NAV1: variants seen among roughly 807,000 people sequenced by gnomAD.
NAV1 encodes the protein pore membrane and/or filament interacting like protein 3.
A neutral mutation model predicts 175.2 loss-of-function variants in NAV1; 18 were observed. The ratio of observed to expected loss-of-function variants is 0.10; its 90% CI spans 0.07 to 0.15. NAV1 has a LOEUF of 0.15. Among genes scored for constraint, NAV1 ranks in the 10% least tolerant of loss-of-function variants. The pLI, the probability that NAV1 is intolerant of heterozygous loss-of-function variation, is 1.00. For synonymous variants in NAV1, 897 were observed against 978.7 expected (o/e 0.92, Z 1.56); for missense variants, 1,731 against 2,436.6 (o/e 0.71, Z 6.10).
chr1:201,787,690 G>T lies in NAV1; in HGVS notation c.2996-778G>T. ...AGATTAGACATCCACCTGCCTGTAT[G>T]GAGGCAGAAGAATAGACAAGGGAGC... is the stretch of plus-strand genomic sequence containing the variant. On this transcript the variant is annotated intron_variant, in intron 9 of 29. Transcript: ENST00000367296. This position sits in a 1 kb window ranked among gnomAD's most constrained non-coding sequence, Gnocchi z 4.3. The T allele has an allele frequency of 2.2e-6, 1 of 456,264 alleles. No homozygotes were observed. Among genetic ancestry groups the T allele is most frequent in the South Asian group, 1.5e-5 (1 of 64,566 alleles). 28.3% of individuals were successfully genotyped at this position (456,264 alleles called of 1,614,324 possible). A position where few individuals can be genotyped will look rare whatever the true frequency, so the allele number is the denominator to read the frequency against.
intron 3 of NAV1, among the ~76,000 whole-genome samples, chr1:201,775,521 G>C (rs1675881066): frequency 1.3e-5 from 2 of 152,164 alleles, no homozygotes; most frequent in African/African-American, 4.8e-5. Flanking sequence ...GAGTGTCCCA[G>C]TCTTCCATAT....
At chr1:201,792,370 C>G (rs1006313453) in intron 13 of NAV1, 1 of 152,262 alleles carries the variant, frequency 6.6e-6, no homozygotes, top group African/African-American at 2.4e-5. Context: ...TTACCCCTCT[C>G]AAATGCTAGC....
intron 1 of NAV1, among the ~76,000 whole-genome samples, chr1:201,657,140 T>C (rs1669436970): frequency 6.6e-6 from 1 of 152,238 alleles, no homozygotes; most frequent in South Asian, 2.1e-4. Flanking sequence ...ATCAGTAATC[T>C]AATGGTTATC....
At chr1:201,666,352 C>CA (rs59540541) in intron 1 of NAV1, among the ~76,000 whole-genome samples, 26,024 of 144,596 alleles carry the variant, frequency 0.18, 2,622 homozygotes, top group African/African-American at 0.29. Context: ...TCCCTCCTTA[C>CA]AAAAAAAAAA....
At chr1:201,748,887 C>T (rs1673932022) in intron 3 of NAV1, among the ~76,000 whole-genome samples, 1 of 152,156 alleles carries the variant, frequency 6.6e-6, no homozygotes, top group Admixed American at 6.5e-5. Context: ...GTGGTTCACA[C>T]CTGTAATCCT....
chr1:201,641,555 A>T (rs1668752661), intron 2 of NAV1, among the ~76,000 whole-genome samples: 1 of 152,258 alleles, frequency 6.6e-6, no homozygotes, highest in Non-Finnish European at 1.5e-5. Context: ...GGAGAAAAGG[A>T]CAAAAAGAAG....
chr1:201,627,145 G>C (rs1013579517), intron 1 of NAV1, among the ~76,000 whole-genome samples: 1 of 151,748 alleles, frequency 6.6e-6, no homozygotes, highest in Non-Finnish European at 1.5e-5. Flanking sequence ...CCCAGGCTGG[G>C]GTGCAGTGGC....
intron 2 of NAV1, among the ~76,000 whole-genome samples, chr1:201,594,465 T>A (rs1667296219): frequency 1.3e-5 from 2 of 151,996 alleles, no homozygotes; most frequent in Admixed American, 1.3e-4. Flanking sequence ...TAATCAGAGG[T>A]CTGTGGACTT....
At chr1:201,593,309 G>A (rs543458529) in intron 2 of NAV1, among the ~76,000 whole-genome samples, 41 of 152,214 alleles carry the variant, frequency 2.7e-4, no homozygotes, top group African/African-American at 7.7e-4. Context: ...TTGGGTCCTC[G>A]GGCCTCAATC....
At chr1:201,779,294 CA>C (rs1205885539) in intron 3 of NAV1, among the ~76,000 whole-genome samples, 2 of 151,790 alleles carry the variant, frequency 1.3e-5, no homozygotes, top group Non-Finnish European at 2.9e-5. Context: ...TTGTTAAACC[CA>C]AAAATGAACA....
At chr1:201,702,731 TCC>T (rs1671491354) in intron 1 of NAV1, among the ~76,000 whole-genome samples, 1 of 134,320 alleles carries the variant, frequency 7.4e-6, no homozygotes, top group Non-Finnish European at 1.6e-5. Context: ...TCTCTCTCTC[TCC>T]CCATTCTGAC....
In NAV1 at chr1:201,767,408, G is replaced by A. The variant is rs192599190; in HGVS notation, c.1227-13013G>A. 7.1e-3 allele frequency among the ~76,000 whole-genome samples: 1,075 copies of A among 151,824 alleles called. 9 individuals are homozygous for A. The highest frequency in any genetic ancestry group is 0.024 in the African/African-American group (1,012 of 41,476). ...GGAGGTTGCAGTGAGCCGAGATTGC[G>A]CCATTGCACTCCAGCCTGGGTGACA... On this transcript the variant is annotated intron_variant, in intron 3 of 29. Coordinates refer to ENST00000367296, the Ensembl canonical transcript of NAV1.
chr1:201,790,537 T>C lies in NAV1; in HGVS notation c.3220-17T>C, dbSNP rs1677048065. On this transcript the variant is annotated splice_polypyrimidine_tract_variant and intron_variant, in intron 11 of 29. Coordinates refer to ENST00000367296, the Ensembl canonical transcript of NAV1. ...TCCTTTCTCTCTCTTTCTCTCCTTCTGTGCTCCCTTCTTCAGGCTGAGGAG... is the reference window on the plus strand; with the variant it reads ...TCCTTTCTCTCTCTTTCTCTCCTTCCGTGCTCCCTTCTTCAGGCTGAGGAG... The C allele has an allele frequency of 5.6e-6, 9 of 1,613,870 alleles. No individual in the cohort carries two copies. Among genetic ancestry groups the C allele is most frequent in the Non-Finnish European group, 7.6e-6 (9 of 1,179,922 alleles).
chr1:201,595,383 C>T lies in NAV1; in HGVS notation c.-33+6734C>T, dbSNP rs116814712. Among the ~76,000 whole-genome samples, 1,075 of 152,360 alleles carry T rather than the reference C, an allele frequency of 7.1e-3. 20 individuals carry two copies. The highest frequency in any genetic ancestry group is 0.024 in the African/African-American group (1,016 of 41,572). ...ACAAATCCCTTCCTTTCAACTAAAG[C>T]TTTCTCAATAAGCCAGATCTTCAGA... On this transcript the variant is annotated intron_variant, in intron 2 of 33. Transcript: ENST00000685211.
chr1:201,623,080 A>G lies in NAV1; in HGVS notation c.-627A>G, dbSNP rs1668223211. ...ACTGGGAAAGGCTGCAGGTCCTTCTAGAAACTCCTCTCCTAGGGCCTTCCG... is the reference window on the plus strand; with the variant it reads ...ACTGGGAAAGGCTGCAGGTCCTTCTGGAAACTCCTCTCCTAGGGCCTTCCG... On this transcript the variant is annotated 5_prime_UTR_variant, in exon 1 of 30. Transcript: ENST00000367302. 4 of 985,790 alleles carry G rather than the reference A, an allele frequency of 4.1e-6. No individual in the cohort carries two copies. In the South Asian group the frequency reaches 1.9e-4, roughly 46 times the overall value. The allele number at this position is 985,790 out of a possible 1,614,324, so 61.1% of individuals were successfully genotyped here. A position where few individuals can be genotyped will look rare whatever the true frequency, so the allele number is the denominator to read the frequency against.
chr1:201,664,196 C>T (rs2102362319), intron 1 of NAV1, among the ~76,000 whole-genome samples: 1 of 152,182 alleles, frequency 6.6e-6, no homozygotes, highest in South Asian at 2.1e-4. Flanking sequence ...CAAAAATTTG[C>T]TGGGCGTGGT....
intron 3 of NAV1, among the ~76,000 whole-genome samples, chr1:201,779,430 T>TAAAAA (rs35904825): frequency 7.3e-6 from 1 of 136,328 alleles, no homozygotes; most frequent in Admixed American, 7.3e-5. Context: ...TGTCTCTACT[T>TAAAAA]AAAAAAAAAA....
At chr1:201,735,107 A>G (rs1673056203) in intron 3 of NAV1, among the ~76,000 whole-genome samples, 2 of 151,908 alleles carry the variant, frequency 1.3e-5, no homozygotes, top group African/African-American at 4.8e-5. Context: ...GGAACACTCC[A>G]CTGTGCATCT....
chr1:201,672,859 C>T (rs946986193), intron 1 of NAV1, among the ~76,000 whole-genome samples: 1 of 152,178 alleles, frequency 6.6e-6, no homozygotes, highest in Non-Finnish European at 1.5e-5. Flanking sequence ...GAGAACTTAC[C>T]GCCCAACAGA....
Sources: gnomAD v4.1 joint callset for allele counts (sites outside exome capture counted in the v4.1 genomes callset) on GRCh38, gnomAD v4.1.1 for gene constraint, Gnocchi (gnomAD v3.1) non-coding constraint, MANE v1.5 for transcripts, NCBI Gene and HGNC (gene_info 2026-07-23, HGNC 2026-07-21) for gene names.